KRT8: variants seen among roughly 807,000 people sequenced by gnomAD.
KRT8 encodes the protein keratin 8, also known as keratin, type II cytoskeletal 8.
In KRT8, 24 loss-of-function variants were observed where a neutral mutation model predicts 43.0. That is an observed-to-expected ratio of 0.56 (90% CI 0.40 to 0.78). KRT8 has a LOEUF of 0.78. Ranked by LOEUF, KRT8 falls within the 30% of genes least tolerant of loss-of-function variation. The pLI is 0.00. For synonymous variants in KRT8, 214 were observed against 261.2 expected (o/e 0.82, Z 1.74); for missense variants, 492 against 638.4 (o/e 0.77, Z 2.47).
intron 2 of KRT8, chr12:52,949,281 T>C: frequency 1.2e-6 from 2 of 1,610,780 alleles, no homozygotes; most frequent in Non-Finnish European, 1.7e-6. Flanking sequence ...CCAGCGTCTA[T>C]GCAGGCGCTG....
intron 1 of KRT8, among the ~76,000 whole-genome samples, chr12:52,903,815 G>A (rs1941436950): frequency 6.6e-6 from 1 of 151,832 alleles, no homozygotes. Flanking sequence ...TCCTGCATGG[G>A]CTTTCCGAGG....
intron 2 of KRT8, among the ~76,000 whole-genome samples, chr12:52,928,222 T>TAGAAAAGA (rs1942026708): frequency 6.6e-6 from 1 of 152,094 alleles, no homozygotes; most frequent in South Asian, 2.1e-4. Flanking sequence ...AGCAAAGGCT[T>TAGAAAAGA]CAGAGCAGAA....
intron 2 of KRT8, among the ~76,000 whole-genome samples, chr12:52,937,532 A>G (rs1198408612): frequency 2.0e-5 from 3 of 151,662 alleles, no homozygotes; most frequent in African/African-American, 7.3e-5. Flanking sequence ...TACAAAATAT[A>G]CAAAAATTAG....
Position 52,949,280 on chromosome 12 carries a change from A to C in KRT8, c.-47+176T>G, listed in dbSNP as rs891346528. The C allele has an allele frequency of 1.8e-5, 29 of 1,610,794 alleles. No homozygotes were observed. The Middle Eastern group carries it at 6.7e-4, about 37-fold the overall frequency. Reference sequence around the variant, plus strand: ...CCGGTCAGCAGCGCGGCCAGCGTCTATGCAGGCGCTGGGGGCTCTGGTTCC... The same window carrying C: ...CCGGTCAGCAGCGCGGCCAGCGTCTCTGCAGGCGCTGGGGGCTCTGGTTCC... On this transcript the variant is annotated intron_variant, in intron 2 of 6. Transcript: ENST00000546826.
At chr12:52,909,517 A>G (rs1941589557), upstream of KRT8, among the ~76,000 whole-genome samples, 1 of 152,224 alleles carries the variant, frequency 6.6e-6, no homozygotes, top group South Asian at 2.1e-4. Flanking sequence ...TTTCATTGTC[A>G]AAGCTTAGCA....
chr12:52,917,634 G>A (rs919236725), intron 2 of KRT8, among the ~76,000 whole-genome samples: 7 of 151,058 alleles, frequency 4.6e-5, no homozygotes, highest in African/African-American at 1.5e-4. Context: ...GCTTGAACTC[G>A]GGAGGTGAAG....
chr12:52,920,681 C>T (rs1279463017), intron 2 of KRT8, among the ~76,000 whole-genome samples: 1 of 152,166 alleles, frequency 6.6e-6, no homozygotes, highest in African/African-American at 2.4e-5. Context: ...ATTAGAAAGA[C>T]ATCTAACAGG....
chr12:52,904,518 G>T, intron 1 of KRT8, 140 bp downstream of exon 1: 1 of 817,482 alleles, frequency 1.2e-6, no homozygotes, highest in Non-Finnish European at 2.1e-6. Flanking sequence ...GGGGTGAGTC[G>T]GAGGATGGAA....
At chr12:52,903,068 A>G (rs61927889) in intron 1 of KRT8, among the ~76,000 whole-genome samples, 55,331 of 151,930 alleles carry the variant, frequency 0.36, 10,391 homozygotes, top group Middle Eastern at 0.41. Context: ...AAATCTTTTA[A>G]GGGTACAGCC....
intron 2 of KRT8, among the ~76,000 whole-genome samples, chr12:52,926,083 T>A (rs991219176): frequency 6.6e-6 from 1 of 151,866 alleles, no homozygotes; most frequent in Non-Finnish European, 1.5e-5. Flanking sequence ...GGGGGTGACA[T>A]AATTGCCTGT....
At chr12:52,935,909 A>G (rs1443163586) in intron 2 of KRT8, among the ~76,000 whole-genome samples, 12 of 152,214 alleles carry the variant, frequency 7.9e-5, no homozygotes, top group Admixed American at 7.9e-4. Flanking sequence ...TTTGCAAAAC[A>G]CATTAACTCA....
At chr12:52,938,136 C>CTATACATA (rs1555189938) in intron 2 of KRT8, among the ~76,000 whole-genome samples, 18 of 44,050 alleles carry the variant, frequency 4.1e-4, no homozygotes, top group African/African-American at 1.5e-3. Flanking sequence ...CACTAGAAAG[C>CTATACATA]TATATATATA....
chr12:52,942,482 A>G (rs1942282933), intron 2 of KRT8, among the ~76,000 whole-genome samples: 1 of 151,956 alleles, frequency 6.6e-6, no homozygotes, highest in Non-Finnish European at 1.5e-5. Context: ...AGCTGCTCTG[A>G]CCCCAGATTC....
chr12:52,939,516 T>G (rs1000380966), intron 2 of KRT8, among the ~76,000 whole-genome samples: 5 of 150,694 alleles, frequency 3.3e-5, no homozygotes, highest in Admixed American at 3.3e-4. Flanking sequence ...AGCCCAGGAG[T>G]TTGAGACCGG....
intron 2 of KRT8, among the ~76,000 whole-genome samples, chr12:52,924,320 G>T (rs1402076779): frequency 1.3e-5 from 2 of 152,030 alleles, no homozygotes; most frequent in East Asian, 2.0e-4. Flanking sequence ...ATGGTGGCGG[G>T]CGTCTGTAGT....
At chr12:52,911,658 C>CCCAA (rs1285901530), upstream of KRT8, among the ~76,000 whole-genome samples, 11 of 152,266 alleles carry the variant, frequency 7.2e-5, no homozygotes, top group African/African-American at 2.6e-4. Flanking sequence ...AAGAAACATA[C>CCCAA]CCAAGGTCAT....
At chr12:52,914,015 G>A (rs745885591) in intron 2 of KRT8, among the ~76,000 whole-genome samples, 4 of 152,168 alleles carry the variant, frequency 2.6e-5, no homozygotes, top group Admixed American at 2.6e-4. Flanking sequence ...CTGAAGTCAG[G>A]AGATCAAGAC....
intron 2 of KRT8, among the ~76,000 whole-genome samples, chr12:52,935,378 C>CAAAAAAAAAAAA (rs71092794): frequency 4.2e-5 from 1 of 23,752 alleles, no homozygotes; most frequent in African/African-American, 1.9e-4. Context: ...GACTCTGTCT[C>CAAAAAAAAAAAA]AAAAAAAAAA....
At chr12:52,906,515 A>G, upstream of KRT8, 1 of 361,620 alleles carries the variant, frequency 2.8e-6, no homozygotes, top group South Asian at 2.0e-5. Flanking sequence ...GGGACGTAGC[A>G]CGCACCTGTG....
Sources: allele counts gnomAD v4.1 joint callset (sites outside exome capture counted in the v4.1 genomes callset), GRCh38; gene constraint gnomAD v4.1.1; transcripts MANE v1.5; gene names NCBI Gene and HGNC (gene_info 2026-07-23, HGNC 2026-07-21).